The following GPHN variants were observed in gnomAD, a reference collection of about 807,000 sequenced individuals.
GPHN encodes gephyrin.
Under a neutral mutation model 95.5 loss-of-function variants are expected in GPHN, and 17 were observed. The ratio of observed to expected loss-of-function variants is 0.18; its 90% CI spans 0.12 to 0.27. GPHN has a LOEUF of 0.27. Ranked by LOEUF, GPHN falls within the 10% of genes least tolerant of loss-of-function variation. The probability of loss-of-function intolerance (pLI) is 1.00; values close to 1 mark genes in which losing one functional copy is unlikely to be tolerated. For missense variants in GPHN, 660 were observed against 978.1 expected, an observed-to-expected ratio of 0.67 and a Z score of 4.34; for synonymous variants, 320 against 322.5, an observed-to-expected ratio of 0.99 and a Z score of 0.08.
the GPHN span, among the ~76,000 whole-genome samples, chr14:67,318,049 C>G: frequency 2.0e-5 from 3 of 152,210 alleles, no homozygotes; most frequent in Non-Finnish European, 4.4e-5. Context: ...CTCTACCACT[C>G]CCAGTGTTTT....
intron 1 of GPHN, among the ~76,000 whole-genome samples, chr14:66,596,796 G>A (rs774998947): frequency 2.0e-5 from 3 of 152,158 alleles, no homozygotes; most frequent in Non-Finnish European, 2.9e-5. Flanking sequence ...CTGCGCCCGG[G>A]GGGCGGGGCT....
At chr14:66,834,469 T>C (rs2061710802) in intron 4 of GPHN, among the ~76,000 whole-genome samples, 1 of 152,156 alleles carries the variant, frequency 6.6e-6, no homozygotes, top group South Asian at 2.1e-4. Flanking sequence ...ATATGAAAGT[T>C]GTTGAATTTT....
At chr14:66,842,503 G>C (rs1252219635) in intron 4 of GPHN, among the ~76,000 whole-genome samples, 5 of 152,144 alleles carry the variant, frequency 3.3e-5, no homozygotes, top group Non-Finnish European at 5.9e-5. Context: ...GGGAATGATG[G>C]GGTGAGGGCT....
At chr14:66,954,920 TTCTTA>T (rs1358876695) in intron 8 of GPHN, among the ~76,000 whole-genome samples, 4 of 152,234 alleles carry the variant, frequency 2.6e-5, no homozygotes, top group Non-Finnish European at 5.9e-5. Flanking sequence ...TTTCACTGAC[TTCTTA>T]TCTTATGGTG....
At chr14:67,397,214 C>T in the GPHN span, among the ~76,000 whole-genome samples, 3 of 152,208 alleles carry the variant, frequency 2.0e-5, no homozygotes, top group Non-Finnish European at 2.9e-5. Context: ...GTTGGGATTA[C>T]AGGCGTGAGC....
At chr14:66,985,915 T>C (rs1319095813) in intron 9 of GPHN, among the ~76,000 whole-genome samples, 1 of 151,986 alleles carries the variant, frequency 6.6e-6, no homozygotes, top group Non-Finnish European at 1.5e-5. Context: ...CAGCTACACA[T>C]AGAGCAACCA....
At chr14:67,540,403 A>G in the GPHN span, among the ~76,000 whole-genome samples, 1 of 152,084 alleles carries the variant, frequency 6.6e-6, no homozygotes, top group Non-Finnish European at 1.5e-5. Flanking sequence ...AGGCCGGTGG[A>G]TCACTTGAGG....
At chr14:66,592,330 G>A (rs878985536) in intron 1 of GPHN, among the ~76,000 whole-genome samples, 1 of 152,026 alleles carries the variant, frequency 6.6e-6, no homozygotes, top group African/African-American at 2.4e-5. Context: ...AAGAGCTTCT[G>A]CACAGCAAAA....
chr14:67,554,069 G>A, the GPHN span, among the ~76,000 whole-genome samples: 1 of 152,254 alleles, frequency 6.6e-6, no homozygotes, highest in South Asian at 2.1e-4. Flanking sequence ...CTAACTCTCT[G>A]TCCAAGGGAA....
At chr14:66,530,791 A>G (rs1158100385) in intron 1 of GPHN, among the ~76,000 whole-genome samples, 1 of 151,634 alleles carries the variant, frequency 6.6e-6, no homozygotes, top group African/African-American at 2.4e-5. Context: ...GGCTGCAACC[A>G]CTGTCTAACC....
At chr14:67,651,976 TTACA>T in the GPHN span, among the ~76,000 whole-genome samples, 1 of 152,200 alleles carries the variant, frequency 6.6e-6, no homozygotes, top group Non-Finnish European at 1.5e-5. Flanking sequence ...TATCTGTTGT[TTACA>T]TAAAGAATCC....
At chr14:66,638,866 G>C (rs112639025) in intron 1 of GPHN, among the ~76,000 whole-genome samples, 3 of 152,026 alleles carry the variant, frequency 2.0e-5, no homozygotes, top group African/African-American at 7.2e-5. Context: ...TGAGTCATCA[G>C]ATGACACATT....
chr14:66,548,244 G>A (rs1010818807), intron 1 of GPHN, among the ~76,000 whole-genome samples: 3 of 146,942 alleles, frequency 2.0e-5, no homozygotes, highest in South Asian at 2.1e-4. Flanking sequence ...GCAATGGCAC[G>A]ATCTCGGCTC....
chr14:67,110,371 G>T, intron 14 of GPHN, 112 bp downstream of exon 14: 1 of 1,177,002 alleles, frequency 8.5e-7, no homozygotes, highest in Admixed American at 1.7e-5. Context: ...GTTTAGTTTT[G>T]TTTTGTTTTT....
intron 5 of GPHN, among the ~76,000 whole-genome samples, chr14:66,899,593 G>A (rs1192854704): frequency 1.3e-5 from 2 of 151,752 alleles, no homozygotes; most frequent in Non-Finnish European, 2.9e-5. Context: ...ATATTGAGCT[G>A]GTCTTGAATT....
At chr14:67,657,671 T>C in the GPHN span, among the ~76,000 whole-genome samples, 10 of 151,228 alleles carry the variant, frequency 6.6e-5, no homozygotes, top group Non-Finnish European at 1.3e-4. Context: ...ACAGAGCAAG[T>C]GACCACTGGC....
the GPHN span, among the ~76,000 whole-genome samples, chr14:67,251,234 T>C: frequency 2.6e-5 from 4 of 152,204 alleles, no homozygotes; most frequent in Non-Finnish European, 4.4e-5. Flanking sequence ...CTTTACCTAG[T>C]GTTTAAAAAT....
chr14:66,883,125 C>CT (rs1380666494), intron 5 of GPHN, among the ~76,000 whole-genome samples: 4 of 151,444 alleles, frequency 2.6e-5, no homozygotes, highest in South Asian at 2.1e-4. Context: ...GGGAAATTTC[C>CT]TTTTTTTTGC....
At chr14:66,827,791 T>G (rs1413793063) in intron 4 of GPHN, among the ~76,000 whole-genome samples, 26 of 152,082 alleles carry the variant, frequency 1.7e-4, no homozygotes, top group Admixed American at 1.7e-3. Flanking sequence ...ATCTCTATAT[T>G]ATATAAATCA....
Sources: gnomAD v4.1 joint callset for allele counts (sites outside exome capture counted in the v4.1 genomes callset) on GRCh38, gnomAD v4.1.1 for gene constraint, MANE v1.5 for transcripts, NCBI Gene and HGNC (gene_info 2026-07-23, HGNC 2026-07-21) for gene names.